KCNQ5: variants seen among roughly 807,000 people sequenced by gnomAD.
KCNQ5 encodes potassium voltage-gated channel subfamily KQT member 5.
KCNQ5 carries 30 observed loss-of-function variants against 98.2 expected under a neutral mutation model. The ratio of observed to expected loss-of-function variants is 0.31; its 90% confidence interval spans 0.23 to 0.41. KCNQ5 has a LOEUF of 0.41. Ranked by LOEUF, KCNQ5 falls within the 10% of genes least tolerant of loss-of-function variation. The pLI, the probability that KCNQ5 is intolerant of heterozygous loss-of-function variation, is 1.00. For missense variants in KCNQ5, 835 were observed against 1,182.5 expected (o/e 0.71, Z 4.31); for synonymous variants, 458 against 449.4 (o/e 1.02, Z -0.24).
chr6:73,074,964 C>T (rs1162681866), intron 3 of KCNQ5, among the ~76,000 whole-genome samples: 2 of 152,020 alleles, frequency 1.3e-5, no homozygotes, highest in Non-Finnish European at 2.9e-5. Flanking sequence ...AATGTATGTC[C>T]AACAGGGTCA....
At chr6:72,902,958 T>C (rs1779567764) in intron 1 of KCNQ5, among the ~76,000 whole-genome samples, 1 of 152,192 alleles carries the variant, frequency 6.6e-6, no homozygotes, top group Non-Finnish European at 1.5e-5. Flanking sequence ...TGAATCCATC[T>C]GGTCCTGGAC....
intron 1 of KCNQ5, among the ~76,000 whole-genome samples, chr6:72,665,626 A>G (rs1330310444): frequency 6.6e-6 from 1 of 152,222 alleles, no homozygotes; most frequent in Admixed American, 6.5e-5. Flanking sequence ...GTCTCTGCCC[A>G]AAGCAACCAG....
chr6:72,713,173 T>A (rs1382448512), intron 1 of KCNQ5, among the ~76,000 whole-genome samples: 6 of 152,150 alleles, frequency 3.9e-5, no homozygotes, highest in Non-Finnish European at 8.8e-5. Context: ...CAAGCAAACA[T>A]CTTGGCTTGC....
chr6:73,151,012 T>C (rs536075403), intron 10 of KCNQ5, among the ~76,000 whole-genome samples: 4 of 152,208 alleles, frequency 2.6e-5, no homozygotes, highest in African/African-American at 7.2e-5. Context: ...ACTGGATCAG[T>C]GTTAATATTC....
intron 5 of KCNQ5, among the ~76,000 whole-genome samples, chr6:73,081,935 C>T (rs1451716005): frequency 6.6e-6 from 1 of 152,198 alleles, no homozygotes; most frequent in Non-Finnish European, 1.5e-5. Context: ...TGCCCCCACT[C>T]CACCTCAGAT....
In KCNQ5 at chr6:73,194,801, C is replaced by G. The variant is rs1260403765; in HGVS notation, c.2186C>G (p.Thr729Ser). 2 of 1,614,214 alleles carry G rather than the reference C, an allele frequency of 1.2e-6. No homozygotes were observed. Among genetic ancestry groups the G allele is most frequent in the South Asian group, 2.2e-5 (2 of 91,086 alleles). Residue 729 changes from threonine to serine, a missense_variant, in exon 14 of 14, where the codon ACC (threonine) becomes AGC (serine). Physicochemically the swap from Thr to Ser is moderately conservative, Grantham distance 58. Coordinates refer to ENST00000370398, the MANE Select transcript of KCNQ5 (RefSeq NM_019842.4). Reference protein sequence around the residue: ...SQSDGSAVAATNTIANQINTA... With the variant: ...SQSDGSAVAASNTIANQINTA... ...AGCGATGGCTCAGCAGTGGCAGCCACCAACACCATTGCAAACCAAATAAAT... is the reference window on the plus strand; with the variant it reads ...AGCGATGGCTCAGCAGTGGCAGCCAGCAACACCATTGCAAACCAAATAAAT...
chr6:72,939,213 C>T lies in KCNQ5; in HGVS notation c.399-64695C>T, dbSNP rs535391088. On this transcript the variant is annotated intron_variant, in intron 1 of 13. Coordinates refer to ENST00000370398, the MANE Select transcript of KCNQ5 (RefSeq NM_019842.4). ...GCCCTGGCACACTTGATTGCTTGAA[C>T]CCAGTCCCTCAGGGACACTAGCTGG... Among the ~76,000 whole-genome samples the T allele has an allele frequency of 5.3e-5, 8 of 152,192 alleles. No individual in the cohort carries two copies. The East Asian group carries it at 7.7e-4, about 15-fold the overall frequency.
intron 1 of KCNQ5, among the ~76,000 whole-genome samples, chr6:72,693,653 C>G (rs1335545487): frequency 6.6e-6 from 1 of 152,122 alleles, no homozygotes; most frequent in Non-Finnish European, 1.5e-5. Flanking sequence ...AATTGTACCA[C>G]CATAGGTCAA....
chr6:72,786,347 C>T (rs1473658055), intron 1 of KCNQ5, among the ~76,000 whole-genome samples: 2 of 152,130 alleles, frequency 1.3e-5, no homozygotes, highest in African/African-American at 4.8e-5. Flanking sequence ...AGCCCTTTGT[C>T]AGAAGGATAG....
intron 1 of KCNQ5, among the ~76,000 whole-genome samples, chr6:72,824,868 TTA>T (rs1370049334): frequency 6.6e-6 from 1 of 152,102 alleles, no homozygotes; most frequent in Non-Finnish European, 1.5e-5. Context: ...GTCATCCCAC[TTA>T]TTTCTAACAC....
chr6:72,974,383 G>T (rs1768051423), intron 1 of KCNQ5, among the ~76,000 whole-genome samples: 2 of 128,006 alleles, frequency 1.6e-5, no homozygotes, highest in African/African-American at 3.8e-5. Flanking sequence ...AATAACTAGT[G>T]GCAAAAAAAA....
intron 1 of KCNQ5, among the ~76,000 whole-genome samples, chr6:72,771,720 T>TA (rs755305575): frequency 2.0e-5 from 3 of 150,072 alleles, no homozygotes; most frequent in Non-Finnish European, 4.4e-5. Context: ...ATATATGCAA[T>TA]AAAAATGGCT....
chr6:72,927,446 A>G (rs1296246168), intron 1 of KCNQ5, among the ~76,000 whole-genome samples: 2 of 152,104 alleles, frequency 1.3e-5, no homozygotes, highest in African/African-American at 2.4e-5. Context: ...GTGTTCTCCT[A>G]TGACTTAGAG....
chr6:72,694,134 T>C (rs1055480144), intron 1 of KCNQ5, among the ~76,000 whole-genome samples: 1 of 152,186 alleles, frequency 6.6e-6, no homozygotes, highest in Non-Finnish European at 1.5e-5. Context: ...AAATTATACA[T>C]TTTTTGATCA....
intron 5 of KCNQ5, among the ~76,000 whole-genome samples, chr6:73,080,525 G>A (rs1773720484): frequency 6.6e-6 from 1 of 151,950 alleles, no homozygotes. Context: ...TAGATTCCTA[G>A]TGGGAAATAA....
intron 3 of KCNQ5, among the ~76,000 whole-genome samples, chr6:73,070,609 A>G (rs2882399): frequency 0.98 from 148,435 of 152,206 alleles, 72,476 homozygotes; most frequent in Middle Eastern, 1. Context: ...GGCTGACAAA[A>G]GCACTGCCAT....
intron 1 of KCNQ5, among the ~76,000 whole-genome samples, chr6:72,969,782 T>C (rs1767786662): frequency 6.6e-6 from 1 of 152,192 alleles, no homozygotes; most frequent in South Asian, 2.1e-4. Context: ...CTTTCCCTAT[T>C]ATCTATCCCT....
At chr6:72,922,810 C>CTTTTTCTTTT (rs1554186016) in intron 1 of KCNQ5, among the ~76,000 whole-genome samples, 13 of 103,860 alleles carry the variant, frequency 1.3e-4, no homozygotes, top group East Asian at 2.8e-4. Flanking sequence ...TTTTCTTTTT[C>CTTTTTCTTTT]TTTTTTTTTT....
chr6:73,161,200 G>A (rs565060300), intron 10 of KCNQ5, among the ~76,000 whole-genome samples: 18 of 152,282 alleles, frequency 1.2e-4, no homozygotes, highest in African/African-American at 4.3e-4. Flanking sequence ...AGTGAAATGG[G>A]CCAGGCACAG....
Sources: gnomAD v4.1 joint callset for allele counts (sites outside exome capture counted in the v4.1 genomes callset) on GRCh38, gnomAD v4.1.1 for gene constraint, MANE v1.5 for transcripts, NCBI Gene and HGNC (gene_info 2026-07-23, HGNC 2026-07-21) for gene names.